BTBD8: variants seen among roughly 807,000 people sequenced by gnomAD.
BTBD8 encodes the protein BTB/POZ domain-containing protein 8.
Under a neutral mutation model 162.9 loss-of-function variants are expected in BTBD8, and 110 were observed. That is an observed-to-expected ratio of 0.68 (90% CI 0.58 to 0.79). The LOEUF (loss-of-function observed/expected upper bound fraction) is 0.79, where lower values mean the gene tolerates loss of function less well. Among genes scored for constraint, BTBD8 ranks in the 30% least tolerant of loss-of-function variants. BTBD8 has a pLI of 0.00. For synonymous variants in BTBD8, 667 were observed against 716.1 expected, an observed-to-expected ratio of 0.93 and a Z score of 1.10; for missense variants, 1,905 against 2,085.4, an observed-to-expected ratio of 0.91 and a Z score of 1.68.
chr1:92,179,410 A>G (rs999293578), intron 16 of BTBD8, among the ~76,000 whole-genome samples: 1 of 152,230 alleles, frequency 6.6e-6, no homozygotes, highest in African/African-American at 2.4e-5. Flanking sequence ...CTAAAATAAT[A>G]ACCAATTTTC....
chr1:92,165,381 C>G (rs906982669), intron 9 of BTBD8, among the ~76,000 whole-genome samples: 1 of 152,082 alleles, frequency 6.6e-6, no homozygotes, highest in African/African-American at 2.4e-5. Context: ...TAGTAATGTT[C>G]ATGTTTGATT....
At chr1:92,129,831 A>G (rs1386819132) in intron 5 of BTBD8, 55 bp downstream of exon 5, 2 of 1,430,104 alleles carry the variant, frequency 1.4e-6, no homozygotes, top group Non-Finnish European at 2.0e-6. Flanking sequence ...ATTGTATTTC[A>G]TACAAAGCAC....
At chr1:92,138,153 G>A (rs188250839) in intron 5 of BTBD8, among the ~76,000 whole-genome samples, 1 of 152,288 alleles carries the variant, frequency 6.6e-6, no homozygotes, top group East Asian at 1.9e-4. Flanking sequence ...TGGCGATGTG[G>A]AAAATTCAAT....
Position 92,094,713 on chromosome 1 carries a change from A to G in BTBD8, c.347+5818A>G, listed in dbSNP as rs1205430729. Among the ~76,000 whole-genome samples the G allele has an allele frequency of 2.0e-5, 3 of 152,322 alleles. No homozygotes were observed. The East Asian group carries it at 5.8e-4, about 29-fold the overall frequency. ...TGACCTCATGATTAAAATTCAATTCAGGATCATAAAAATCCTTGATTTCCC... is the reference window on the plus strand; with the variant it reads ...TGACCTCATGATTAAAATTCAATTCGGGATCATAAAAATCCTTGATTTCCC... On this transcript the variant is annotated intron_variant, in intron 2 of 17. Transcript: ENST00000636805.
In BTBD8 at chr1:92,177,135, G is replaced by T. The variant is rs567942047; in HGVS notation, c.1942G>T (p.Ala648Ser). 1.3e-6 allele frequency: 2 copies of T among 1,551,662 alleles called. No individual in the cohort carries two copies. Among genetic ancestry groups the T allele is most frequent in the East Asian group, 4.9e-5 (2 of 40,924 alleles). ...ATCCAAAACAGAAAATGGTGATAAG[G>T]CACGGTTGGAAAACATGTCACCTAG... ...TKSKTENGDK[A>S]RLENMSPRQV... Residue 648 changes from alanine (A) to serine (S), a missense_variant, in exon 14 of 18, where the codon GCA (alanine) becomes TCA (serine). Physicochemically the swap from Ala to Ser is moderately conservative, Grantham distance 99. Around this residue, in one of 3 missense-constraint regions of BTBD8, gnomAD observed 1,374 missense variants for 1,442.7 expected, o/e 0.95. Transcript: ENST00000636805.
At chr1:92,162,857 A>G (rs1195333417) in intron 9 of BTBD8, among the ~76,000 whole-genome samples, 2 of 152,194 alleles carry the variant, frequency 1.3e-5, no homozygotes, top group Non-Finnish European at 2.9e-5. Flanking sequence ...AGATATTTTC[A>G]CATATTTGTG....
At chr1:92,175,749 T>C (rs575571717) in intron 13 of BTBD8, among the ~76,000 whole-genome samples, 1 of 151,230 alleles carries the variant, frequency 6.6e-6, no homozygotes, top group Non-Finnish European at 1.5e-5. Flanking sequence ...GAGCCAAGAC[T>C]GGGCCACTGC....
intron 1 of BTBD8, among the ~76,000 whole-genome samples, chr1:92,086,899 A>G (rs1367521614): frequency 6.6e-6 from 1 of 152,158 alleles, no homozygotes; most frequent in African/African-American, 2.4e-5. Context: ...ATTATAAATT[A>G]CCTATCCTGT....
At chr1:92,096,933 A>T (rs1648469375) in intron 2 of BTBD8, among the ~76,000 whole-genome samples, 1 of 152,112 alleles carries the variant, frequency 6.6e-6, no homozygotes, top group Non-Finnish European at 1.5e-5. Context: ...GTTCCTCTTC[A>T]TTCTCACTTT....
At chr1:92,163,569 C>G (rs1027798210) in intron 9 of BTBD8, among the ~76,000 whole-genome samples, 1 of 151,194 alleles carries the variant, frequency 6.6e-6, no homozygotes, top group East Asian at 1.9e-4. Flanking sequence ...GTCCTTTATA[C>G]ATTTGAAAAT....
At chr1:92,134,788 C>A (rs563857668) in intron 5 of BTBD8, among the ~76,000 whole-genome samples, 1 of 152,134 alleles carries the variant, frequency 6.6e-6, no homozygotes, top group South Asian at 2.1e-4. Flanking sequence ...TGAATGGAGT[C>A]TCTGTGTCCC....
intron 2 of BTBD8, among the ~76,000 whole-genome samples, chr1:92,095,851 G>A (rs942293756): frequency 6.6e-6 from 1 of 151,992 alleles, no homozygotes; most frequent in Non-Finnish European, 1.5e-5. Flanking sequence ...ACAGCCCCCC[G>A]TCATCTTGAT....
At chr1:92,088,978 A>C (rs1247829139) in intron 2 of BTBD8, 83 bp downstream of exon 2, 2 of 1,241,344 alleles carry the variant, frequency 1.6e-6, no homozygotes, top group Non-Finnish European at 2.2e-6. Flanking sequence ...ATATTTTCAT[A>C]TGTATTTTGT....
chr1:92,136,518 G>C (rs922852371), intron 5 of BTBD8, among the ~76,000 whole-genome samples: 1 of 152,112 alleles, frequency 6.6e-6, no homozygotes, highest in African/African-American at 2.4e-5. Context: ...GTATTACGTG[G>C]GGAAAGGAAA....
chr1:92,091,440 C>T (rs534849849), intron 2 of BTBD8, among the ~76,000 whole-genome samples: 1 of 151,966 alleles, frequency 6.6e-6, no homozygotes, highest in Non-Finnish European at 1.5e-5. Context: ...TGAGAACGGA[C>T]TAATACACTC....
At chr1:92,148,488 A>T (rs1649977682) in intron 9 of BTBD8, among the ~76,000 whole-genome samples, 1 of 152,224 alleles carries the variant, frequency 6.6e-6, no homozygotes, top group Non-Finnish European at 1.5e-5. Context: ...AGACTCAGTT[A>T]CAGTGCCAAC....
At chr1:92,139,534 T>A in intron 6 of BTBD8, 104 bp downstream of exon 6, 1 of 1,444,552 alleles carries the variant, frequency 6.9e-7, no homozygotes, top group Non-Finnish European at 9.1e-7. Context: ...CTTTTTATAG[T>A]CTATTATACT....
intron 10 of BTBD8, among the ~76,000 whole-genome samples, chr1:92,167,561 T>A (rs1477695294): frequency 6.6e-6 from 1 of 152,284 alleles, no homozygotes; most frequent in East Asian, 1.9e-4. Context: ...TATTTAGGGC[T>A]ATGTTGGCTT....
chr1:92,128,877 C>T (rs977326225), intron 4 of BTBD8, among the ~76,000 whole-genome samples: 2 of 151,972 alleles, frequency 1.3e-5, no homozygotes, highest in Admixed American at 1.3e-4. Flanking sequence ...CTACCCTTTC[C>T]CAGGTCGTTT....
Sources: allele counts gnomAD v4.1 joint callset (sites outside exome capture counted in the v4.1 genomes callset), GRCh38; gene constraint gnomAD v4.1.1; regional missense constraint gnomAD v4.1.1; transcripts MANE v1.5; gene names NCBI Gene and HGNC (gene_info 2026-07-23, HGNC 2026-07-21).